Variants in INTS6 observed in about 807,000 individuals in gnomAD.
INTS6 encodes the protein integrator complex subunit 6, also known as DEAD box protein.
A neutral mutation model predicts 104.9 loss-of-function variants in INTS6; 16 were observed. The ratio of observed to expected loss-of-function variants is 0.15; its 90% CI spans 0.10 to 0.23. The LOEUF is 0.23. Ranked by LOEUF, INTS6 falls within the 10% of genes least tolerant of loss-of-function variation. INTS6 has a pLI of 1.00. For missense variants in INTS6, 584 were observed against 1,062.8 expected (o/e 0.55, Z 6.26); for synonymous variants, 324 against 358.7 (o/e 0.90, Z 1.09).
Position 51,375,600 on chromosome 13 carries a change from A to C in INTS6, c.1729+448T>G, listed in dbSNP as rs1447407612. ...GATTTATAGTAGGTGCCATGGATAA[A>C]GGTGAAGAAGGAATTATCAGAAAAT... On this transcript the variant is annotated intron_variant, in intron 13 of 17. Coordinates refer to ENST00000311234, the MANE Select transcript of INTS6 (RefSeq NM_012141.3). Among the ~76,000 whole-genome samples, 4 of 152,156 alleles carry C rather than the reference A, an allele frequency of 2.6e-5. No individual in the cohort carries two copies. The East Asian group carries it at 7.7e-4, about 29-fold the overall frequency.
the INTS6 span, chr13:51,348,549 G>C: frequency 1.5e-6 from 1 of 661,130 alleles, no homozygotes; most frequent in South Asian, 1.9e-5. Flanking sequence ...CCAGAAGTTA[G>C]ACCAAGAGGA....
chr13:51,411,127 T>C (rs183311728), intron 4 of INTS6, among the ~76,000 whole-genome samples: 1,712 of 148,516 alleles, frequency 0.012, 26 homozygotes, highest in East Asian at 0.073. Context: ...GCACGAGAAT[T>C]GCTTGAACCC....
intron 3 of INTS6, among the ~76,000 whole-genome samples, chr13:51,432,152 T>C (rs917061679): frequency 1.3e-5 from 2 of 152,286 alleles, no homozygotes; most frequent in Non-Finnish European, 2.9e-5. Flanking sequence ...CTGATTACTA[T>C]GGCCTTTAGT....
At chr13:51,423,138 A>T in intron 4 of INTS6, 1 of 927,976 alleles carries the variant, frequency 1.1e-6, no homozygotes, top group Non-Finnish European at 1.5e-6. Context: ...AGCTGCCGCT[A>T]TTCTTATACA....
In INTS6 at chr13:51,452,752, T is replaced by TCCTG. The variant is rs1216326661; in HGVS notation, c.-231_-228dup. On this transcript the variant is annotated 5_prime_UTR_variant, in exon 1 of 18. Coordinates refer to ENST00000311234, the MANE Select transcript of INTS6 (RefSeq NM_012141.3). This position sits in a 1 kb window ranked among gnomAD's most constrained non-coding sequence, Gnocchi z 4.2. ...CCGTCGTACCCCCGCCTCCGCCTCC[T>TCCTG]CCTGCCTGCCTGCCCGCTGGGGCGG... 2.9e-5 allele frequency: 36 copies of TCCTG among 1,235,582 alleles called. No individual in the cohort carries two copies. Among genetic ancestry groups the TCCTG allele is most frequent in the Middle Eastern group, 6.5e-4 (2 of 3,086 alleles). 76.5% of individuals were successfully genotyped at this position (1,235,582 alleles called of 1,614,324 possible).
At chr13:51,406,531 CT>C (rs1191851432) in intron 4 of INTS6, among the ~76,000 whole-genome samples, 2 of 152,134 alleles carry the variant, frequency 1.3e-5, no homozygotes, top group East Asian at 3.9e-4. Context: ...TCCTAAGTAT[CT>C]CTTGAAACTG....
In INTS6 at chr13:51,361,744, T is replaced by C. The variant is rs1955581284; in HGVS notation, c.*4008A>G. On this transcript the variant is annotated 3_prime_UTR_variant, in exon 18 of 18. Transcript: ENST00000311234. ...TTTCTTAAAAAATTAACTTACTTCATAACCAATAGTTATTTTCTTAAAAAT... is the reference window on the plus strand; with the variant it reads ...TTTCTTAAAAAATTAACTTACTTCACAACCAATAGTTATTTTCTTAAAAAT... 4 of 1,392,044 alleles carry C rather than the reference T, an allele frequency of 2.9e-6. No homozygotes were observed. In the South Asian group the frequency reaches 4.1e-5, roughly 14 times the overall value. 86.2% of individuals were successfully genotyped at this position (1,392,044 alleles called of 1,614,324 possible). A position where few individuals can be genotyped will look rare whatever the true frequency, so the allele number is the denominator to read the frequency against.
At chr13:51,451,940 A>AAGGGAAGGG (rs1380363636) in intron 2 of INTS6, 38 bp downstream of exon 2, 1 of 1,488,280 alleles carries the variant, frequency 6.7e-7, no homozygotes, top group African/African-American at 1.4e-5. Context: ...AGGAACAGGG[A>AAGGGAAGGG]AGGGAAGGGA....
At chr13:51,402,905 A>G (rs1956465281) in intron 4 of INTS6, 1 of 152,196 alleles carries the variant, frequency 6.6e-6, no homozygotes, top group South Asian at 2.1e-4. Context: ...ACTTTTCTAA[A>G]ATTAGACTAA....
chr13:51,448,639 T>A (rs562887396), intron 3 of INTS6: 4 of 152,202 alleles, frequency 2.6e-5, no homozygotes, highest in Non-Finnish European at 5.9e-5. Flanking sequence ...TGTGCATATA[T>A]GTGGGAGAAT....
chr13:51,349,793 T>C (rs1181223933), downstream of INTS6, among the ~76,000 whole-genome samples: 1 of 152,218 alleles, frequency 6.6e-6, no homozygotes, highest in Non-Finnish European at 1.5e-5. Flanking sequence ...ACACAACTAT[T>C]AGTTAGCACT....
chr13:51,425,526 A>G (rs2138082236), intron 4 of INTS6, among the ~76,000 whole-genome samples: 1 of 152,220 alleles, frequency 6.6e-6, no homozygotes, highest in East Asian at 1.9e-4. Flanking sequence ...TATTTGAAAG[A>G]CAATACTACT....
chr13:51,374,293 T>C lies in INTS6; in HGVS notation c.2019A>G (p.Val673=). 3.1e-6 allele frequency: 5 copies of C among 1,614,152 alleles called. No homozygotes were observed. The highest frequency in any genetic ancestry group is 4.2e-6 in the Non-Finnish European group (5 of 1,179,980). ...LLRGRQQNPV[V]NNHIGGKGPP... is the part of the protein sequence containing the mutation. ...GTCCTTTTCCCCCAATATGATTGTT[T>C]ACAACAGGATTCTGCTGTCTGCCTC... Residue 673 remains valine (V), a synonymous_variant, in exon 15 of 18, where the codon GTA becomes GTG. Transcript: ENST00000311234.
chr13:51,351,606 C>T (rs1170544225), downstream of INTS6, among the ~76,000 whole-genome samples: 1 of 151,994 alleles, frequency 6.6e-6, no homozygotes, highest in Non-Finnish European at 1.5e-5. Flanking sequence ...TCAATGGTGT[C>T]CTTTGAAGCA....
At chr13:51,406,482 C>G (rs1956569365) in intron 4 of INTS6, among the ~76,000 whole-genome samples, 1 of 152,136 alleles carries the variant, frequency 6.6e-6, no homozygotes, top group Admixed American at 6.6e-5. Flanking sequence ...CTTACACCCC[C>G]AACTGCATTA....
Position 51,369,214 on chromosome 13 carries a change from GTATCCA to G in INTS6, c.2195_2200del (p.Met732_Asp733del). On this transcript the variant is annotated inframe_deletion, in exon 16 of 18. Coordinates refer to ENST00000311234, the MANE Select transcript of INTS6 (RefSeq NM_012141.3). The stretch of plus-strand genomic sequence containing the variant: ...GGCTGGAGAAGATGCTGAAAATTCC[GTATCCA>G]TAGCATTTGGTGTAATGTCTGATGA... The G allele has an allele frequency of 6.2e-7, 1 of 1,613,778 alleles. No homozygotes were observed.
chr13:51,437,657 A>G (rs1177421242), intron 3 of INTS6: 3 of 152,232 alleles, frequency 2.0e-5, no homozygotes, highest in Non-Finnish European at 2.9e-5. Context: ...GGAAAACTCT[A>G]ACAGTATATT....
chr13:51,411,819 T>G (rs1956693062), intron 4 of INTS6, among the ~76,000 whole-genome samples: 1 of 152,290 alleles, frequency 6.6e-6, no homozygotes, highest in South Asian at 2.1e-4. Context: ...TGCTCGTAGG[T>G]ATACACCCAA....
intron 6 of INTS6, among the ~76,000 whole-genome samples, chr13:51,388,243 A>G (rs1332459360): frequency 2.0e-5 from 3 of 152,102 alleles, no homozygotes; most frequent in Non-Finnish European, 2.9e-5. Flanking sequence ...CCTTCCCTAT[A>G]GTACCCTCTC....
Sources: allele counts gnomAD v4.1 joint callset (sites outside exome capture counted in the v4.1 genomes callset), GRCh38; gene constraint gnomAD v4.1.1; non-coding constraint Gnocchi (gnomAD v3.1); transcripts MANE v1.5; gene names NCBI Gene and HGNC (gene_info 2026-07-23, HGNC 2026-07-21).